TIAM2: variants seen among roughly 807,000 people sequenced by gnomAD.
The protein encoded by TIAM2 is rho guanine nucleotide exchange factor TIAM2.
A neutral mutation model predicts 152.9 loss-of-function variants in TIAM2; 80 were observed. The observed-to-expected ratio is 0.52, with a 90% CI of 0.44 to 0.63. TIAM2 has a LOEUF of 0.63. TIAM2 is among the 30% of genes least tolerant of loss of function. The pLI is 0.00. For missense variants in TIAM2, 1,965 were observed against 2,120.1 expected (o/e 0.93, Z 1.44); for synonymous variants, 804 against 838.0 (o/e 0.96, Z 0.70).
intron 2 of TIAM2, among the ~76,000 whole-genome samples, chr6:155,103,310 A>G (rs912696081): frequency 2.0e-5 from 3 of 152,224 alleles, no homozygotes; most frequent in Admixed American, 1.3e-4. Context: ...ACAATGCAAA[A>G]CCATCGGAAA....
chr6:155,191,737 G>A (rs1346284666), intron 14 of TIAM2, among the ~76,000 whole-genome samples: 4 of 152,100 alleles, frequency 2.6e-5, no homozygotes, highest in Non-Finnish European at 4.4e-5. Context: ...GGAGGTTGTA[G>A]TGAGCCAAGA....
intron 1 of TIAM2, among the ~76,000 whole-genome samples, chr6:155,046,531 C>T (rs530376372): frequency 5.3e-5 from 8 of 152,094 alleles, no homozygotes; most frequent in African/African-American, 1.7e-4. Flanking sequence ...AGACAGGTTT[C>T]GCCATGTTGG....
At chr6:155,027,189 G>T (rs1373422020) in intron 1 of TIAM2, among the ~76,000 whole-genome samples, 2 of 151,498 alleles carry the variant, frequency 1.3e-5, no homozygotes, top group African/African-American at 4.8e-5. Context: ...ACCATGCCCA[G>T]CTAATTTTTC....
chr6:155,017,281 C>T (rs1021029735), intron 1 of TIAM2, among the ~76,000 whole-genome samples: 2 of 151,844 alleles, frequency 1.3e-5, no homozygotes, highest in Non-Finnish European at 1.5e-5. Context: ...TTGGTAATGA[C>T]GTGATTGTGG....
At chr6:154,999,941 T>C (rs1046191685) in intron 1 of TIAM2, among the ~76,000 whole-genome samples, 3 of 152,026 alleles carry the variant, frequency 2.0e-5, no homozygotes, top group Non-Finnish European at 4.4e-5. Flanking sequence ...CCTCCCAAAG[T>C]GCTGGGATTA....
chr6:155,043,929 C>A (rs1352384560), intron 1 of TIAM2, among the ~76,000 whole-genome samples: 1 of 152,096 alleles, frequency 6.6e-6, no homozygotes, highest in African/African-American at 2.4e-5. Flanking sequence ...GGCTTCTTAC[C>A]CCATAGTGTA....
intron 1 of TIAM2, among the ~76,000 whole-genome samples, chr6:155,031,329 T>C (rs536186154): frequency 2.0e-5 from 3 of 152,336 alleles, no homozygotes; most frequent in African/African-American, 7.2e-5. Flanking sequence ...ACTCAGACAC[T>C]GTTGCTGATA....
chr6:155,222,613 CAAACAAAA>C (rs1562359497), intron 15 of TIAM2, among the ~76,000 whole-genome samples: 1 of 85,282 alleles, frequency 1.2e-5, no homozygotes, highest in Non-Finnish European at 3.1e-5. Context: ...AAACAAAAAA[CAAACAAAA>C]AAAAAAAACA....
In TIAM2 at chr6:155,112,287, G is replaced by A. The variant is rs188199895; in HGVS notation, c.-117-15203G>A. Reference sequence around the variant, plus strand: ...ATTACAGGCATGCGCCACCAAGCCCGGCTAATTTTTGTAATTTTTTTTAGT... The same window carrying A: ...ATTACAGGCATGCGCCACCAAGCCCAGCTAATTTTTGTAATTTTTTTTAGT... On this transcript the variant is annotated intron_variant, in intron 2 of 26. Coordinates refer to ENST00000682666, the MANE Select transcript of TIAM2 (RefSeq NM_012454.4). Among the ~76,000 whole-genome samples the A allele has an allele frequency of 7.0e-3, 1,060 of 151,812 alleles. 22 individuals are homozygous for A. Among genetic ancestry groups the A allele is most frequent in the African/African-American group, 0.024 (997 of 41,388 alleles).
chr6:155,163,604 G>A (rs1780330980), intron 7 of TIAM2, among the ~76,000 whole-genome samples: 2 of 152,310 alleles, frequency 1.3e-5, no homozygotes, highest in South Asian at 4.1e-4. Context: ...AGTATACTCA[G>A]TAAAATTCTA....
At chr6:155,182,167 T>C in intron 12 of TIAM2, 59 bp from the exon 13 acceptor site, 3 of 1,402,278 alleles carry the variant, frequency 2.1e-6, no homozygotes, top group East Asian at 4.6e-5. Context: ...GCCGGTGTGG[T>C]TGGAGAAATT....
intron 1 of TIAM2, among the ~76,000 whole-genome samples, chr6:155,027,952 TTACA>T (rs1359641038): frequency 1.6e-5 from 2 of 123,008 alleles, no homozygotes; most frequent in African/African-American, 6.9e-5. Context: ...ATGTACTGTG[TTACA>T]TATATACTAT....
intron 1 of TIAM2, among the ~76,000 whole-genome samples, chr6:155,048,362 A>C (rs1308334611): frequency 6.6e-6 from 1 of 152,124 alleles, no homozygotes; most frequent in Non-Finnish European, 1.5e-5. Context: ...CAAAATGTTG[A>C]AATTACAGGC....
chr6:155,137,655 C>T (rs745860358), intron 5 of TIAM2, 43 bp downstream of exon 5: 58 of 1,512,570 alleles, frequency 3.8e-5, no homozygotes, highest in African/African-American at 2.2e-4. Flanking sequence ...GGATTGTTTC[C>T]GCCAGCCGTG....
intron 1 of TIAM2, among the ~76,000 whole-genome samples, chr6:155,056,757 T>C (rs1385239653): frequency 6.6e-6 from 1 of 152,076 alleles, no homozygotes; most frequent in East Asian, 1.9e-4. Context: ...TTATAGTATA[T>C]TCATTACAAT....
intron 2 of TIAM2, among the ~76,000 whole-genome samples, chr6:155,110,175 A>G (rs1000352118): frequency 5.4e-5 from 8 of 149,390 alleles, no homozygotes; most frequent in Non-Finnish European, 1.0e-4. Context: ...CTGGTCTTGA[A>G]CTCCTGATCT....
chr6:154,998,632 A>G (rs1778262206), intron 1 of TIAM2, among the ~76,000 whole-genome samples: 1 of 152,214 alleles, frequency 6.6e-6, no homozygotes, highest in Non-Finnish European at 1.5e-5. Flanking sequence ...AAAATTATAT[A>G]CTTGTAGATG....
intron 14 of TIAM2, among the ~76,000 whole-genome samples, chr6:155,195,094 T>C (rs1040788542): frequency 4.6e-4 from 70 of 152,332 alleles, no homozygotes; most frequent in Non-Finnish European, 5.6e-4. Context: ...AGGTATGTCT[T>C]TATTAGCAGT....
intron 26 of TIAM2, 66 bp downstream of exon 26, chr6:155,254,639 C>T (rs1402218373): frequency 6.4e-7 from 1 of 1,565,106 alleles, no homozygotes; most frequent in Non-Finnish European, 8.7e-7. Flanking sequence ...AGGATATATG[C>T]TCTTGTAACA....
Sources: gnomAD v4.1 joint callset for allele counts (sites outside exome capture counted in the v4.1 genomes callset) on GRCh38, gnomAD v4.1.1 for gene constraint, MANE v1.5 for transcripts, NCBI Gene and HGNC (gene_info 2026-07-23, HGNC 2026-07-21) for gene names.